The following TMEM131L variants were observed in gnomAD, a reference collection of about 807,000 sequenced individuals.
TMEM131L encodes the protein transmembrane protein 131-like.
A neutral mutation model predicts 192.2 loss-of-function variants in TMEM131L; 54 were observed. The ratio of observed to expected loss-of-function variants is 0.28; its 90% confidence interval spans 0.23 to 0.35. The LOEUF is 0.35. TMEM131L is among the 10% of genes least tolerant of loss of function. The probability of loss-of-function intolerance (pLI) is 1.00; values close to 1 mark genes in which losing one functional copy is unlikely to be tolerated. For missense variants in TMEM131L, 1,888 were observed against 1,972.9 expected (o/e 0.96, Z 0.82); for synonymous variants, 701 against 704.9 (o/e 0.99, Z 0.09).
chr4:153,560,531 A>G (rs1226627975), intron 7 of TMEM131L, among the ~76,000 whole-genome samples: 1 of 152,242 alleles, frequency 6.6e-6, no homozygotes, highest in Non-Finnish European at 1.5e-5. Flanking sequence ...AAAGTGTACC[A>G]TTCAGTGGGT....
rs185132666 is a variant in TMEM131L at position 153,501,234 on chromosome 4, C to T, written c.239+27346C>T. Among the ~76,000 whole-genome samples the T allele has an allele frequency of 6.7e-4, 89 of 133,566 alleles. 1 individual carries two copies. The highest frequency in any genetic ancestry group is 2.4e-3 in the African/African-American group (83 of 34,316). 87.6% of individuals were successfully genotyped at this position (133,566 alleles called of 152,430 possible). On this transcript the variant is annotated intron_variant, in intron 3 of 34. Coordinates refer to ENST00000409959, the MANE Select transcript of TMEM131L (RefSeq NM_001131007.2). ...TTTTTTTTTTTTTTTGAGACGGAGT[C>T]TCGCTCTGTCACCCAGGCTGGAGTG...
intron 7 of TMEM131L, among the ~76,000 whole-genome samples, chr4:153,573,848 T>C (rs1054751630): frequency 5.3e-5 from 8 of 152,202 alleles, no homozygotes; most frequent in South Asian, 2.1e-4. Flanking sequence ...AAAGCTTTAA[T>C]GTGGGAAAAA....
chr4:153,545,638 T>TA (rs1737117778), intron 3 of TMEM131L, among the ~76,000 whole-genome samples: 1 of 152,080 alleles, frequency 6.6e-6, no homozygotes, highest in Admixed American at 6.6e-5. Context: ...CCAAAGTTTT[T>TA]AAAAAGATTT....
chr4:153,626,295 C>T (rs1733839446), intron 30 of TMEM131L, 70 bp downstream of exon 30: 1 of 964,648 alleles, frequency 1.0e-6, no homozygotes, highest in Non-Finnish European at 1.6e-6. Flanking sequence ...TATTGTGTTT[C>T]TTCTTTGTAC....
At chr4:153,471,275 C>T (rs1002723904) in intron 2 of TMEM131L, among the ~76,000 whole-genome samples, 16 of 152,070 alleles carry the variant, frequency 1.1e-4, no homozygotes, top group Non-Finnish European at 2.2e-4. Context: ...TGTGAGTCAC[C>T]GTGCCCGGCC....
intron 3 of TMEM131L, among the ~76,000 whole-genome samples, chr4:153,484,507 C>A (rs1237226971): frequency 6.6e-6 from 1 of 150,848 alleles, no homozygotes. Context: ...CTCGCTCTGC[C>A]ACCCAGGCTG....
intron 7 of TMEM131L, among the ~76,000 whole-genome samples, chr4:153,570,582 CTTCTGTT>C (rs1729522118): frequency 6.6e-6 from 1 of 152,230 alleles, no homozygotes; most frequent in African/African-American, 2.4e-5. Flanking sequence ...GCCTGCCTTC[CTTCTGTT>C]TTCCATGTGT....
chr4:153,599,691 C>T (rs528887077), intron 21 of TMEM131L, among the ~76,000 whole-genome samples: 1 of 152,266 alleles, frequency 6.6e-6, no homozygotes, highest in African/African-American at 2.4e-5. Flanking sequence ...TAACCAATAG[C>T]ACTTTTTGTG....
At chr4:153,571,269 C>T (rs1227151646) in intron 7 of TMEM131L, among the ~76,000 whole-genome samples, 1 of 152,130 alleles carries the variant, frequency 6.6e-6, no homozygotes, top group African/African-American at 2.4e-5. Flanking sequence ...CTGCCTGGTT[C>T]TCCTTTAATG....
intron 3 of TMEM131L, among the ~76,000 whole-genome samples, chr4:153,495,872 C>T (rs1210788945): frequency 1.3e-5 from 2 of 152,136 alleles, no homozygotes; most frequent in East Asian, 3.8e-4. Flanking sequence ...TTGACCTTTC[C>T]CTTGGCTTAG....
chr4:153,589,930 C>T (rs1338667711), intron 16 of TMEM131L, among the ~76,000 whole-genome samples: 1 of 152,188 alleles, frequency 6.6e-6, no homozygotes, highest in Non-Finnish European at 1.5e-5. Context: ...CATACTTCAA[C>T]TCTCAATACT....
intron 3 of TMEM131L, among the ~76,000 whole-genome samples, chr4:153,506,064 C>T (rs1245920002): frequency 1.3e-5 from 2 of 152,056 alleles, no homozygotes; most frequent in African/African-American, 4.8e-5. Flanking sequence ...GGTATAATTG[C>T]GCTGTGAAGG....
intron 28 of TMEM131L, among the ~76,000 whole-genome samples, chr4:153,622,648 G>A (rs1363010371): frequency 6.6e-6 from 1 of 152,216 alleles, no homozygotes; most frequent in Admixed American, 6.5e-5. Context: ...ATTAGATCAT[G>A]CTTATGTAGT....
At chr4:153,616,188 G>A (rs1732962961) in intron 26 of TMEM131L, among the ~76,000 whole-genome samples, 3 of 152,302 alleles carry the variant, frequency 2.0e-5, no homozygotes, top group Non-Finnish European at 2.9e-5. Context: ...GGCATAGGCT[G>A]TACTTTGTGG....
chr4:153,566,902 C>A (rs1729241114), intron 7 of TMEM131L, among the ~76,000 whole-genome samples: 1 of 152,220 alleles, frequency 6.6e-6, no homozygotes. Context: ...ACTGGCACAG[C>A]CCTTGCTTTC....
chr4:153,538,237 T>G (rs1180256191), intron 3 of TMEM131L, among the ~76,000 whole-genome samples: 1 of 152,208 alleles, frequency 6.6e-6, no homozygotes, highest in African/African-American at 2.4e-5. Context: ...TTCTAGCACC[T>G]CTTTTCTTTC....
At chr4:153,475,669 G>A (rs1343336496) in intron 3 of TMEM131L, among the ~76,000 whole-genome samples, 2 of 149,638 alleles carry the variant, frequency 1.3e-5, no homozygotes, top group Admixed American at 6.6e-5. Flanking sequence ...ACAAACTGTG[G>A]ATCGAAAATA....
intron 28 of TMEM131L, 31 bp from the exon 29 acceptor site, chr4:153,622,867 A>G: frequency 6.2e-7 from 1 of 1,606,146 alleles, no homozygotes; most frequent in Non-Finnish European, 8.5e-7. Context: ...CAGTTGTTTC[A>G]GGGAAACATG....
intron 16 of TMEM131L, among the ~76,000 whole-genome samples, chr4:153,590,468 A>G (rs974896551): frequency 6.6e-6 from 1 of 152,208 alleles, no homozygotes; most frequent in Non-Finnish European, 1.5e-5. Context: ...TCTCCATTGT[A>G]CATACCTTTT....
Sources: allele counts gnomAD v4.1 joint callset (sites outside exome capture counted in the v4.1 genomes callset), GRCh38; gene constraint gnomAD v4.1.1; transcripts MANE v1.5; gene names NCBI Gene and HGNC (gene_info 2026-07-23, HGNC 2026-07-21).